AZIN2: variants seen among roughly 807,000 people sequenced by gnomAD.
The protein encoded by AZIN2 is antizyme inhibitor 2.
Under a neutral mutation model 47.8 loss-of-function variants are expected in AZIN2, and 28 were observed. The observed-to-expected ratio is 0.59, with a 90% CI of 0.43 to 0.80. The LOEUF (loss-of-function observed/expected upper bound fraction) is 0.80. Among genes scored for constraint, AZIN2 ranks in the 30% least tolerant of loss-of-function variants. AZIN2 has a pLI of 0.00. For synonymous variants in AZIN2, 221 were observed against 239.4 expected (o/e 0.92, Z 0.71); for missense variants, 535 against 582.5 (o/e 0.92, Z 0.84).
chr1:33,117,415 G>T (rs780210182), intron 10 of AZIN2, among the ~76,000 whole-genome samples: 1 of 152,340 alleles, frequency 6.6e-6, no homozygotes, highest in East Asian at 1.9e-4. Context: ...GGCTGTAGAG[G>T]TGTGGACATA....
chr1:33,147,226 G>A, the AZIN2 span: 826 of 1,613,994 alleles, frequency 5.1e-4, 2 homozygotes, highest in South Asian at 1.0e-3. The surrounding 1 kb of genome is among the most constrained non-coding windows in gnomAD (Gnocchi z 8.1). Context: ...CTTGCCATTG[G>A]CGTGGCTCTG....
intron 10 of AZIN2, among the ~76,000 whole-genome samples, chr1:33,104,124 C>T (rs1251357255): frequency 6.6e-6 from 1 of 152,188 alleles, no homozygotes; most frequent in African/African-American, 2.4e-5. Context: ...CTCAAGTGAT[C>T]TGCCCGCCTC....
chr1:33,101,884 G>A, intron 10 of AZIN2: 1 of 779,106 alleles, frequency 1.3e-6, no homozygotes, highest in Non-Finnish European at 2.4e-6. Flanking sequence ...TCATTTCATT[G>A]CCGTGTAGCG....
chr1:33,118,174 A>C, intron 11 of AZIN2, 58 bp downstream of exon 11: 1 of 1,470,610 alleles, frequency 6.8e-7, no homozygotes, highest in African/African-American at 1.4e-5. Context: ...GAAACGAGGG[A>C]AACTTGAGAT....
Position 33,113,987 on chromosome 1 carries a change from T to C in AZIN2, c.1030-3915T>C, listed in dbSNP as rs377057647. Among the ~76,000 whole-genome samples the C allele has an allele frequency of 3.9e-5, 6 of 152,356 alleles. No individual in the cohort carries two copies. In the South Asian group the frequency reaches 6.2e-4, roughly 16 times the overall value. On this transcript the variant is annotated intron_variant, in intron 10 of 11. Transcript: ENST00000294517. The surrounding 1 kb of genome is among the most constrained non-coding windows in gnomAD (Gnocchi z 4.1). ...TTTCATTTTAGAGATAATATGACTGTGAATTTGGTTAGCTAAGATTTCATG... is the reference window on the plus strand; with the variant it reads ...TTTCATTTTAGAGATAATATGACTGCGAATTTGGTTAGCTAAGATTTCATG...
the AZIN2 span, chr1:33,146,962 C>T: frequency 3.2e-4 from 190 of 597,080 alleles, 1 homozygote; most frequent in Non-Finnish European, 2.4e-4. Context: ...AGCTGTATCC[C>T]TATCAAGGTC....
chr1:33,139,301 T>G, the AZIN2 span, among the ~76,000 whole-genome samples: 1 of 152,110 alleles, frequency 6.6e-6, no homozygotes, highest in East Asian at 1.9e-4. Context: ...GATGGGGTAG[T>G]TTCAAAATTA....
rs1642776986 is a variant in AZIN2, at chr1:33,093,292, T to C, written c.463T>C (p.Cys155Arg). 2.5e-6 allele frequency: 4 copies of C among 1,614,042 alleles called. No individual in the cohort carries two copies. The highest frequency in any genetic ancestry group is 3.4e-6 in the Non-Finnish European group (4 of 1,179,972). The change falls in exon 7 of 12, where the codon TGC becomes CGC. Residue 155 changes from cysteine to arginine, a missense_variant. By Grantham distance (180) the Cys-to-Arg change is radical. Transcript: ENST00000294517. ...KSHPSAKMVLCIATDDSHSLS... is the reference protein window; with the variant it reads ...KSHPSAKMVLRIATDDSHSLS... ...TGCGTGTCTCATCAGGATGGTTCTG[T>C]GCATTGCTACCGATGACTCCCACTC...
Position 33,120,187 on chromosome 1 carries a change from G to A in AZIN2, c.*5G>A. On this transcript the variant is annotated 3_prime_UTR_variant, in exon 12 of 12. Transcript: ENST00000294517. ...ACCCCAGCGAGCATCATGTGAGTGG[G>A]CCTCGTTCCCCCCGGAGAATCCCAG... The A allele has an allele frequency of 6.3e-7, 1 of 1,599,004 alleles. No individual in the cohort carries two copies. The highest frequency in any genetic ancestry group is 8.6e-7 in the Non-Finnish European group (1 of 1,168,464).
downstream of AZIN2, among the ~76,000 whole-genome samples, chr1:33,123,671 T>C (rs1295917563): frequency 6.6e-6 from 1 of 152,228 alleles, no homozygotes; most frequent in African/African-American, 2.4e-5. Flanking sequence ...GAGACCACCC[T>C]GGCCAACATG....
At chr1:33,133,569 G>A in the AZIN2 span, among the ~76,000 whole-genome samples, 2 of 152,206 alleles carry the variant, frequency 1.3e-5, no homozygotes, top group Admixed American at 6.5e-5. Flanking sequence ...GAGCAGGGCC[G>A]GGATGGTGAT....
downstream of AZIN2, among the ~76,000 whole-genome samples, chr1:33,127,373 C>CT: frequency 6.6e-6 from 1 of 152,248 alleles, no homozygotes; most frequent in East Asian, 1.9e-4. Flanking sequence ...CCTCTGGCGG[C>CT]TGGGAGGAGG....
At chr1:33,082,145 C>A (rs1216821922) in intron 3 of AZIN2, 33 bp from the exon 4 acceptor site, 7 of 950,074 alleles carry the variant, frequency 7.4e-6, no homozygotes, top group Non-Finnish European at 9.9e-6. Context: ...GCCGGCCCCC[C>A]AGCGGTTCCC....
chr1:33,136,164 TTCCTTCCTTCCC>T, the AZIN2 span, among the ~76,000 whole-genome samples: 1 of 142,450 alleles, frequency 7.0e-6, no homozygotes, highest in Non-Finnish European at 1.6e-5. Context: ...CCTTCCTTCC[TTCCTTCCTTCCC>T]TCCCTCTCTC....
chr1:33,159,717 GA>G, the AZIN2 span: 1 of 1,611,026 alleles, frequency 6.2e-7, no homozygotes. This position sits in a 1 kb window ranked among gnomAD's most constrained non-coding sequence, Gnocchi z 4.2. Context: ...CCCCAGCCAG[GA>G]AGGTGTGCCG....
the AZIN2 span, among the ~76,000 whole-genome samples, chr1:33,155,848 T>A: frequency 6.6e-6 from 1 of 152,204 alleles, no homozygotes; most frequent in East Asian, 1.9e-4. Flanking sequence ...AGGCACTGAT[T>A]TCCCAGTCCC....
At chr1:33,154,800 A>G in the AZIN2 span, among the ~76,000 whole-genome samples, 1 of 127,734 alleles carries the variant, frequency 7.8e-6, no homozygotes, top group Non-Finnish European at 1.7e-5. Flanking sequence ...TCCGTATCCA[A>G]AAAAAAAAAG....
chr1:33,089,703 A>C (rs1228893378), intron 5 of AZIN2, among the ~76,000 whole-genome samples: 2 of 152,240 alleles, frequency 1.3e-5, no homozygotes, highest in East Asian at 3.8e-4. Flanking sequence ...GGTGGACCTC[A>C]CTGAACTCAA....
chr1:33,109,045 T>C lies in AZIN2; in HGVS notation c.1030-8857T>C, dbSNP rs1011079571. ...CCACACCAGCATTTGGTGTTACCAG[T>C]GTTCTGAATTTTGGCCATTTGAGTA... On this transcript the variant is annotated intron_variant, in intron 10 of 11. Transcript: ENST00000294517. Among the ~76,000 whole-genome samples, 3 of 152,244 alleles carry C rather than the reference T, an allele frequency of 2.0e-5. 1 individual carries two copies. The highest frequency in any genetic ancestry group is 1.5e-5 in the Non-Finnish European group (1 of 68,040).
Sources: allele counts gnomAD v4.1 joint callset (sites outside exome capture counted in the v4.1 genomes callset), GRCh38; gene constraint gnomAD v4.1.1; non-coding constraint Gnocchi (gnomAD v3.1); transcripts MANE v1.5; gene names NCBI Gene and HGNC (gene_info 2026-07-23, HGNC 2026-07-21).